PCNX2: variants seen among roughly 807,000 people sequenced by gnomAD.
PCNX2 encodes pecanex-like protein 2.
In PCNX2, 168 loss-of-function variants were observed where a neutral mutation model predicts 223.8. The ratio of observed to expected loss-of-function variants is 0.75; its 90% confidence interval spans 0.66 to 0.85. The LOEUF is 0.85. Ranked by LOEUF, PCNX2 falls within the 40% of genes least tolerant of loss-of-function variation. The pLI, the probability that PCNX2 is intolerant of heterozygous loss-of-function variation, is 0.00. For synonymous variants in PCNX2, 1,006 were observed against 1,052.6 expected, an observed-to-expected ratio of 0.96 and a Z score of 0.86; for missense variants, 2,507 against 2,675.5, an observed-to-expected ratio of 0.94 and a Z score of 1.39.
intron 9 of PCNX2, among the ~76,000 whole-genome samples, chr1:233,231,078 A>T (rs572079543): frequency 2.9e-4 from 44 of 152,158 alleles, no homozygotes; most frequent in Admixed American, 8.5e-4. Flanking sequence ...CAGTTTTCTA[A>T]AAGAAACTGA....
At chr1:233,288,605 G>T (rs938845325) in intron 1 of PCNX2, among the ~76,000 whole-genome samples, 1 of 152,116 alleles carries the variant, frequency 6.6e-6, no homozygotes, top group Admixed American at 6.5e-5. Context: ...AATTTGAAAA[G>T]ACTGTTGCCC....
chr1:233,074,210 T>C (rs1672982942), intron 23 of PCNX2, among the ~76,000 whole-genome samples: 1 of 152,198 alleles, frequency 6.6e-6, no homozygotes, highest in African/African-American at 2.4e-5. Flanking sequence ...GATTGTTCTA[T>C]GGTCTAGTAG....
intron 24 of PCNX2, among the ~76,000 whole-genome samples, chr1:233,056,370 T>A (rs1410918952): frequency 6.6e-6 from 1 of 152,346 alleles, no homozygotes; most frequent in Non-Finnish European, 1.5e-5. Context: ...ACCACACATT[T>A]GCATAATTAG....
chr1:233,236,262 T>C (rs754268184), intron 9 of PCNX2, among the ~76,000 whole-genome samples: 6 of 152,024 alleles, frequency 3.9e-5, no homozygotes, highest in Non-Finnish European at 5.9e-5. Flanking sequence ...TAACCTCCCA[T>C]GTTATCTCTG....
intron 28 of PCNX2, among the ~76,000 whole-genome samples, chr1:233,008,522 G>T (rs1427341575): frequency 1.3e-5 from 2 of 152,196 alleles, no homozygotes; most frequent in East Asian, 3.9e-4. Context: ...TGAGGGTCTT[G>T]CTAGGAATTT....
intron 25 of PCNX2, among the ~76,000 whole-genome samples, chr1:233,030,782 T>C (rs1406604609): frequency 6.6e-6 from 1 of 152,248 alleles, no homozygotes; most frequent in Non-Finnish European, 1.5e-5. Flanking sequence ...GTAGCCTACA[T>C]AGTCTTTATT....
chr1:233,168,308 T>G (rs1678924055), intron 17 of PCNX2, among the ~76,000 whole-genome samples: 1 of 152,132 alleles, frequency 6.6e-6, no homozygotes, highest in African/African-American at 2.4e-5. Flanking sequence ...TTTTTGTGTT[T>G]TCTGAGCCAG....
At chr1:233,270,854 C>T (rs906323102) in intron 1 of PCNX2, among the ~76,000 whole-genome samples, 1 of 152,074 alleles carries the variant, frequency 6.6e-6, no homozygotes, top group Non-Finnish European at 1.5e-5. Context: ...ATGAAAAAAA[C>T]AGCCAAAGGT....
At chr1:233,118,291 T>A (rs1298167800) in intron 21 of PCNX2, among the ~76,000 whole-genome samples, 1 of 151,900 alleles carries the variant, frequency 6.6e-6, no homozygotes, top group African/African-American at 2.4e-5. Context: ...CTGGTGAAAG[T>A]TGTATGCCTT....
chr1:233,106,924 A>G (rs1338696329), intron 21 of PCNX2, among the ~76,000 whole-genome samples: 7 of 152,178 alleles, frequency 4.6e-5, no homozygotes, highest in African/African-American at 1.4e-4. Context: ...TATAGGAATA[A>G]GATGGTTCAG....
chr1:233,118,070 AG>A (rs1245696744), intron 21 of PCNX2, among the ~76,000 whole-genome samples: 4 of 152,224 alleles, frequency 2.6e-5, no homozygotes, highest in African/African-American at 9.6e-5. Flanking sequence ...CAGGGATGCA[AG>A]GTTGGTTTAA....
At chr1:233,193,716 TG>T (rs1406254562) in intron 15 of PCNX2, among the ~76,000 whole-genome samples, 4 of 152,176 alleles carry the variant, frequency 2.6e-5, no homozygotes, top group Non-Finnish European at 4.4e-5. Context: ...CATGTGCAGA[TG>T]GGTAATTTCG....
chr1:233,185,774 C>G (rs548439434), intron 15 of PCNX2, among the ~76,000 whole-genome samples: 3 of 152,286 alleles, frequency 2.0e-5, no homozygotes, highest in Non-Finnish European at 4.4e-5. Context: ...GATAATGAAG[C>G]ATTTATCATG....
At chr1:233,237,387 C>T (rs1263141971) in intron 8 of PCNX2, among the ~76,000 whole-genome samples, 1 of 152,228 alleles carries the variant, frequency 6.6e-6, no homozygotes, top group East Asian at 1.9e-4. Flanking sequence ...GAGATGAACA[C>T]CTCTGCTACC....
chr1:233,057,325 T>G, intron 23 of PCNX2, 35 bp from the exon 24 acceptor site: 1 of 1,526,602 alleles, frequency 6.6e-7, no homozygotes, highest in Non-Finnish European at 9.0e-7. Context: ...AAGGTCATGA[T>G]TAGATCCCCC....
intron 22 of PCNX2, among the ~76,000 whole-genome samples, chr1:233,091,019 C>T (rs1184537821): frequency 6.6e-6 from 1 of 152,174 alleles, no homozygotes; most frequent in Non-Finnish European, 1.5e-5. Context: ...ACTGAAGACT[C>T]CTAGCTGCCA....
At chr1:233,119,059 T>C (rs753086999) in intron 21 of PCNX2, among the ~76,000 whole-genome samples, 1 of 151,934 alleles carries the variant, frequency 6.6e-6, no homozygotes, top group Non-Finnish European at 1.5e-5. Context: ...CACACAAACA[T>C]GAGCAACTGA....
Position 233,175,015 on chromosome 1 carries a change from G to C in PCNX2, c.3273+2787C>G, listed in dbSNP as rs141814277. Among the ~76,000 whole-genome samples the C allele has an allele frequency of 4.3e-4, 66 of 152,284 alleles. No homozygotes were observed. In the East Asian group the frequency reaches 0.012, roughly 27 times the overall value. ...CCTCAGACCCCCTCACAGGCCAGATGAATCAGAATATGGGCAGAGGGCTAG... is the reference window on the plus strand; with the variant it reads ...CCTCAGACCCCCTCACAGGCCAGATCAATCAGAATATGGGCAGAGGGCTAG... On this transcript the variant is annotated intron_variant, in intron 17 of 33. Coordinates refer to ENST00000258229, the MANE Select transcript of PCNX2 (RefSeq NM_014801.4).
At chr1:233,083,288 A>T (rs182797374) in intron 23 of PCNX2, among the ~76,000 whole-genome samples, 14 of 152,308 alleles carry the variant, frequency 9.2e-5, no homozygotes, top group Admixed American at 1.3e-4. Flanking sequence ...ATTTGGCCTG[A>T]AAAAGAGGGT....
Sources: gnomAD v4.1 joint callset for allele counts (sites outside exome capture counted in the v4.1 genomes callset) on GRCh38, gnomAD v4.1.1 for gene constraint, MANE v1.5 for transcripts, NCBI Gene and HGNC (gene_info 2026-07-23, HGNC 2026-07-21) for gene names.